NUDT3: variants seen among roughly 807,000 people sequenced by gnomAD.
NUDT3 encodes diphosphoinositol polyphosphate phosphohydrolase 1.
In NUDT3, 9 loss-of-function variants were observed where a neutral mutation model predicts 23.6. The observed-to-expected ratio is 0.38, with a 90% CI of 0.23 to 0.66. The LOEUF is 0.66. Among genes scored for constraint, NUDT3 ranks in the 30% least tolerant of loss-of-function variants. NUDT3 has a pLI of 0.52. For synonymous variants in NUDT3, 86 were observed against 82.6 expected, an observed-to-expected ratio of 1.04 and a Z score of -0.22; for missense variants, 172 against 218.5, an observed-to-expected ratio of 0.79 and a Z score of 1.34.
chr6:34,386,206 T>C (rs1298822613), intron 1 of NUDT3, among the ~76,000 whole-genome samples: 1 of 152,216 alleles, frequency 6.6e-6, no homozygotes, highest in Non-Finnish European at 1.5e-5. Context: ...GTTAAGAAAC[T>C]GTATATCAGG....
chr6:34,311,433 A>C (rs1459137466), intron 2 of NUDT3, among the ~76,000 whole-genome samples: 1 of 152,228 alleles, frequency 6.6e-6, no homozygotes. Flanking sequence ...TATCAAAGAA[A>C]AACTAAATAA....
chr6:34,305,064 C>T (rs1334914508), intron 2 of NUDT3, among the ~76,000 whole-genome samples: 1 of 147,544 alleles, frequency 6.8e-6, no homozygotes, highest in Non-Finnish European at 1.5e-5. Flanking sequence ...CTCACTGCAA[C>T]CTCCATCTTC....
chr6:34,306,920 T>A (rs187354237), intron 2 of NUDT3, among the ~76,000 whole-genome samples: 1 of 152,226 alleles, frequency 6.6e-6, no homozygotes, highest in Non-Finnish European at 1.5e-5. Flanking sequence ...GTTCCTCGAC[T>A]AAGGAGCAAT....
intron 1 of NUDT3, among the ~76,000 whole-genome samples, chr6:34,361,902 G>A (rs1401744508): frequency 6.6e-6 from 1 of 152,160 alleles, no homozygotes; most frequent in African/African-American, 2.4e-5. Context: ...AATTTTTAGG[G>A]CAGTAAAACT....
At chr6:34,314,807 C>T (rs1012985234) in intron 2 of NUDT3, among the ~76,000 whole-genome samples, 2 of 152,052 alleles carry the variant, frequency 1.3e-5, no homozygotes, top group Non-Finnish European at 2.9e-5. Flanking sequence ...ATAATAATAC[C>T]TAGCATTTGA....
chr6:34,329,434 C>A (rs935923836), intron 2 of NUDT3, among the ~76,000 whole-genome samples: 3 of 152,120 alleles, frequency 2.0e-5, no homozygotes, highest in African/African-American at 7.2e-5. Context: ...GCGCCTGCCA[C>A]CACGCCTGGC....
At chr6:34,308,173 A>C (rs1269734642) in intron 2 of NUDT3, among the ~76,000 whole-genome samples, 1 of 112,694 alleles carries the variant, frequency 8.9e-6, no homozygotes, top group Non-Finnish European at 1.8e-5. Flanking sequence ...AAAAAAAGAT[A>C]GGCCAGGTGC....
At chr6:34,293,719 G>A (rs555567546) in intron 3 of NUDT3, among the ~76,000 whole-genome samples, 184 bp from the exon 4 acceptor site, 7 of 152,204 alleles carry the variant, frequency 4.6e-5, no homozygotes, top group Non-Finnish European at 8.8e-5. Context: ...ATTTGAGGGT[G>A]TGCTCTTTGG....
At chr6:34,337,410 T>C (rs993574683) in intron 2 of NUDT3, among the ~76,000 whole-genome samples, 1 of 152,214 alleles carries the variant, frequency 6.6e-6, no homozygotes, top group African/African-American at 2.4e-5. Context: ...AGACAGGAGC[T>C]AGGTAAGATA....
At chr6:34,379,965 C>A (rs941812323) in intron 1 of NUDT3, among the ~76,000 whole-genome samples, 1 of 151,360 alleles carries the variant, frequency 6.6e-6, no homozygotes, top group Non-Finnish European at 1.5e-5. Flanking sequence ...TGAGATCGAG[C>A]CATTACACTC....
rs897263511 is a variant in NUDT3, at chr6:34,284,184, A to G, written c.*4569T>C. 1 of 152,220 alleles carries G rather than the reference A, an allele frequency of 6.6e-6. No individual in the cohort carries two copies. The highest frequency in any genetic ancestry group is 1.5e-5 in the Non-Finnish European group (1 of 68,048). 9.4% of individuals were successfully genotyped at this position (152,220 alleles called of 1,614,324 possible). Reference sequence around the variant, plus strand: ...TCTTCCACAGTCTTTAAGAAACAGAAGAGCCATTTGCATTATTTAATCACC... The same window carrying G: ...TCTTCCACAGTCTTTAAGAAACAGAGGAGCCATTTGCATTATTTAATCACC... On this transcript the variant is annotated 3_prime_UTR_variant, in exon 5 of 5. Coordinates refer to ENST00000607016, the MANE Select transcript of NUDT3 (RefSeq NM_006703.4).
Position 34,282,460 on chromosome 6 carries a change from T to G in NUDT3, c.*6293A>C, listed in dbSNP as rs1250628695. 6.6e-6 allele frequency: 1 copy of G among 152,236 alleles called. No homozygotes were observed. 9.4% of individuals were successfully genotyped at this position (152,236 alleles called of 1,614,324 possible). A position where few individuals can be genotyped will look rare whatever the true frequency, so the allele number is the denominator to read the frequency against. On this transcript the variant is annotated 3_prime_UTR_variant, in exon 5 of 5. Coordinates refer to ENST00000607016, the MANE Select transcript of NUDT3 (RefSeq NM_006703.4). ...TTGGCATTGAGGCATCTTGCTTTTTTTCCTCAGAATTCCACAAAGGCTTAA... is the reference window on the plus strand; with the variant it reads ...TTGGCATTGAGGCATCTTGCTTTTTGTCCTCAGAATTCCACAAAGGCTTAA...
Position 34,341,987 on chromosome 6 carries a change from AG to A in NUDT3, c.100-16del, listed in dbSNP as rs1176930418. The A allele has an allele frequency of 6.2e-7, 1 of 1,608,198 alleles. No individual in the cohort carries two copies. Among genetic ancestry groups the A allele is most frequent in the South Asian group, 1.1e-5 (1 of 90,516 alleles). ...ACGAGTAGCACCTGTTAAGTCACAAAGGTTGCATGGGGGGGTTAAAAATTCA... is the reference window on the plus strand; with the variant it reads ...ACGAGTAGCACCTGTTAAGTCACAAAGTTGCATGGGGGGGTTAAAAATTCA... On this transcript the variant is annotated splice_polypyrimidine_tract_variant and intron_variant, in intron 1 of 4. Coordinates refer to ENST00000607016, the MANE Select transcript of NUDT3 (RefSeq NM_006703.4).
intron 1 of NUDT3, among the ~76,000 whole-genome samples, chr6:34,362,449 T>C (rs1561918932): frequency 6.6e-6 from 1 of 152,180 alleles, no homozygotes; most frequent in Non-Finnish European, 1.5e-5. Flanking sequence ...GTGCTGGGAT[T>C]ACAGGTATGA....
chr6:34,312,621 G>A (rs2113710756), intron 2 of NUDT3, among the ~76,000 whole-genome samples: 1 of 152,242 alleles, frequency 6.6e-6, no homozygotes, highest in East Asian at 1.9e-4. Flanking sequence ...TTATGTCCAT[G>A]CAAAAACTTG....
rs183527709 is a variant in NUDT3 at position 34,302,460 on chromosome 6, C to T, written c.211-6775G>A. On this transcript the variant is annotated intron_variant, in intron 2 of 4. Coordinates refer to ENST00000607016, the MANE Select transcript of NUDT3 (RefSeq NM_006703.4). Reference sequence around the variant, plus strand: ...TAAGAAACACATCCATGGCCGGGTGCGGTGGCTCATGCCTGTAATCCCAGC... The same window carrying T: ...TAAGAAACACATCCATGGCCGGGTGTGGTGGCTCATGCCTGTAATCCCAGC... Among the ~76,000 whole-genome samples, 702 of 152,222 alleles carry T rather than the reference C, an allele frequency of 4.6e-3. 5 individuals carry two copies. The highest frequency in any genetic ancestry group is 0.02 in the Middle Eastern group (6 of 294).
intron 1 of NUDT3, among the ~76,000 whole-genome samples, chr6:34,390,562 G>A (rs1765181735): frequency 6.6e-6 from 1 of 151,950 alleles, no homozygotes; most frequent in African/African-American, 2.4e-5. Context: ...TTAGAGATGG[G>A]GATCTGTGTT....
intron 2 of NUDT3, among the ~76,000 whole-genome samples, chr6:34,341,452 G>A (rs1464736672): frequency 6.6e-6 from 1 of 152,174 alleles, no homozygotes; most frequent in Non-Finnish European, 1.5e-5. Flanking sequence ...TTTAGCCACA[G>A]TTCCATGGCT....
chr6:34,392,200 T>C (rs1194299100), intron 1 of NUDT3, 64 bp downstream of exon 1: 6 of 1,366,904 alleles, frequency 4.4e-6, no homozygotes, highest in Non-Finnish European at 6.0e-6. Flanking sequence ...GCCGCGCCCC[T>C]CGCGCCTCCA....
Sources: gnomAD v4.1 joint callset for allele counts (sites outside exome capture counted in the v4.1 genomes callset) on GRCh38, gnomAD v4.1.1 for gene constraint, MANE v1.5 for transcripts, NCBI Gene and HGNC (gene_info 2026-07-23, HGNC 2026-07-21) for gene names.